Variants in DLC1 observed in about 807,000 individuals in gnomAD.
The protein encoded by DLC1 is DLC1 Rho GTPase activating protein.
A neutral mutation model predicts 140.3 loss-of-function variants in DLC1; 54 were observed. The observed-to-expected ratio is 0.38, with a 90% CI of 0.31 to 0.48. The LOEUF (loss-of-function observed/expected upper bound fraction) is 0.48. Ranked by LOEUF, DLC1 falls within the 20% of genes least tolerant of loss-of-function variation. The pLI, the probability that DLC1 is intolerant of heterozygous loss-of-function variation, is 0.96. For missense variants in DLC1, 2,536 were observed against 1,907.0 expected (o/e 1.33, Z -6.14); for synonymous variants, 986 against 728.1 (o/e 1.35, Z -5.70).
intron 13 of DLC1, among the ~76,000 whole-genome samples, chr8:13,091,968 C>T (rs970333687): frequency 5.3e-5 from 8 of 152,276 alleles, no homozygotes; most frequent in Non-Finnish European, 7.4e-5. Context: ...TAAATGTGGC[C>T]GGGCGCAGTG....
At position 13,468,811 on chromosome 8, in the gene DLC1, C is replaced by CTTTTTTTTTTTTTT. The variant is rs78775803; in HGVS notation, c.1023+30224_1023+30237dup. Among the ~76,000 whole-genome samples the CTTTTTTTTTTTTTT allele has an allele frequency of 8.9e-5, 8 of 89,960 alleles. 1 individual carries two copies. Among genetic ancestry groups the CTTTTTTTTTTTTTT allele is most frequent in the African/African-American group, 9.9e-5 (2 of 20,176 alleles). 59.0% of individuals were successfully genotyped at this position (89,960 alleles called of 152,430 possible). A position where few individuals can be genotyped will look rare whatever the true frequency, so the allele number is the denominator to read the frequency against. Reference sequence around the variant, plus strand: ...GTTGATTCTCCCAATTTTATGTCTGCTTTTTTTTTTTTTTTTTTTTTTTTT... The same window carrying CTTTTTTTTTTTTTT: ...GTTGATTCTCCCAATTTTATGTCTGCTTTTTTTTTTTTTTTTTTTTTTTTTTTTTTTTTTTTTTT... On this transcript the variant is annotated intron_variant, in intron 2 of 17. Coordinates refer to ENST00000276297, the MANE Select transcript of DLC1 (RefSeq NM_182643.3).
intron 4 of DLC1, among the ~76,000 whole-genome samples, chr8:13,308,128 C>T (rs558383041): frequency 2.6e-5 from 4 of 152,136 alleles, no homozygotes; most frequent in Non-Finnish European, 4.4e-5. Flanking sequence ...AAGTATATAA[C>T]CATGCATGTG....
At chr8:13,287,039 C>A (rs1831557808) in intron 5 of DLC1, among the ~76,000 whole-genome samples, 1 of 152,106 alleles carries the variant, frequency 6.6e-6, no homozygotes, top group African/African-American at 2.4e-5. Flanking sequence ...TGTACAGATT[C>A]TTTTGTGTGT....
In DLC1 at chr8:13,086,445, T is replaced by C. The variant is rs531055473; in HGVS notation, c.4311A>G (p.Leu1437=). The change falls in exon 17 of 18, where the codon TTA becomes TTG. Residue 1437 remains leucine (L), a synonymous_variant. Coordinates refer to ENST00000276297, the MANE Select transcript of DLC1 (RefSeq NM_182643.3). ...YVVLRTWRTN[L]PKGACALLLT... is the part of the protein sequence containing the mutation. The stretch of plus-strand genomic sequence containing the variant: ...GTAAAAGGGCACAGGCTCCTTTGGG[T>C]AAATTAGTCCTCCAGGTTCTGTAGA... 13 of 1,614,092 alleles carry C rather than the reference T, an allele frequency of 8.1e-6. No homozygotes were observed. The highest frequency in any genetic ancestry group is 5.3e-5 in the African/African-American group (4 of 75,042).
At chr8:13,278,629 G>A (rs1343720765) in intron 5 of DLC1, among the ~76,000 whole-genome samples, 1 of 152,176 alleles carries the variant, frequency 6.6e-6, no homozygotes, top group Non-Finnish European at 1.5e-5. Flanking sequence ...GATCTCACCT[G>A]AGTTTCCAGT....
intron 2 of DLC1, among the ~76,000 whole-genome samples, chr8:13,493,731 T>C (rs1801369970): frequency 6.6e-6 from 1 of 152,214 alleles, no homozygotes; most frequent in Non-Finnish European, 1.5e-5. Flanking sequence ...TTTCCTTTTA[T>C]ATTGTCCCAG....
At chr8:13,209,669 TC>T (rs1278656430) in intron 5 of DLC1, among the ~76,000 whole-genome samples, 2 of 152,080 alleles carry the variant, frequency 1.3e-5, no homozygotes, top group Non-Finnish European at 2.9e-5. Context: ...CTTGGTACTG[TC>T]CTCGTGATAG....
rs1818874643 is a variant in DLC1, at chr8:13,099,881, G to C, written c.2456C>G (p.Pro819Arg). 3 of 1,614,094 alleles carry C rather than the reference G, an allele frequency of 1.9e-6. No homozygotes were observed. The highest frequency in any genetic ancestry group is 2.2e-5 in the East Asian group (1 of 44,886). Residue 819 changes from proline (P) to arginine (R), a missense_variant, in exon 9 of 18, where the codon CCC becomes CGC. By Grantham distance (103) the Pro-to-Arg change is moderately radical. Coordinates refer to ENST00000276297, the MANE Select transcript of DLC1 (RefSeq NM_182643.3). ...IPEDHKPGTF[P>R]KALTNGSFSP... ...GAAACTGCCATTGGTGAGAGCTTTGGGGAAAGTGCCAGGCTTGTGATCTTC... is the reference window on the plus strand; with the variant it reads ...GAAACTGCCATTGGTGAGAGCTTTGCGGAAAGTGCCAGGCTTGTGATCTTC...
chr8:13,564,802 G>A (rs1377792360), intron 1 of DLC1, among the ~76,000 whole-genome samples: 2 of 152,156 alleles, frequency 1.3e-5, no homozygotes, highest in Non-Finnish European at 2.9e-5. Flanking sequence ...TAGGAACTAG[G>A]AAGAAGAGAA....
intron 2 of DLC1, among the ~76,000 whole-genome samples, chr8:13,412,986 G>T (rs1837856872): frequency 6.6e-6 from 1 of 150,794 alleles, no homozygotes; most frequent in African/African-American, 2.4e-5. Context: ...CCATGTGCTA[G>T]GGTTCATGTT....
chr8:13,302,711 CA>C (rs376892685), intron 5 of DLC1, among the ~76,000 whole-genome samples: 5,036 of 122,402 alleles, frequency 0.041, 162 homozygotes, highest in African/African-American at 0.1. Flanking sequence ...TAGAAAGATA[CA>C]AAAAAAAAAA....
At chr8:13,536,513 T>C (rs146397369) in intron 1 of DLC1, among the ~76,000 whole-genome samples, 96 of 152,334 alleles carry the variant, frequency 6.3e-4, no homozygotes, top group Middle Eastern at 3.4e-3. Context: ...GAACCTCTCA[T>C]TATGCCATTA....
At chr8:13,275,098 G>T (rs1022855049) in intron 5 of DLC1, among the ~76,000 whole-genome samples, 1 of 152,150 alleles carries the variant, frequency 6.6e-6, no homozygotes, top group African/African-American at 2.4e-5. Context: ...CTAATGGTTC[G>T]ACTTGACATT....
intron 5 of DLC1, among the ~76,000 whole-genome samples, chr8:13,283,751 A>G (rs1831448247): frequency 6.6e-6 from 1 of 152,092 alleles, no homozygotes; most frequent in Non-Finnish European, 1.5e-5. Flanking sequence ...ATGGGCTCAA[A>G]CGATTCTCCC....
intron 2 of DLC1, among the ~76,000 whole-genome samples, chr8:13,427,736 C>G (rs577554722): frequency 5.2e-4 from 79 of 152,312 alleles, no homozygotes; most frequent in African/African-American, 1.8e-3. Context: ...TGTCTATCTT[C>G]ACCCCAAAAT....
intron 4 of DLC1, among the ~76,000 whole-genome samples, chr8:13,389,598 T>C (rs1391127922): frequency 6.7e-6 from 1 of 149,276 alleles, no homozygotes; most frequent in African/African-American, 2.5e-5. Context: ...CAGAAATCTA[T>C]ATTACTGCTT....
intron 5 of DLC1, among the ~76,000 whole-genome samples, chr8:13,198,726 T>G (rs1585893618): frequency 6.6e-6 from 1 of 152,024 alleles, no homozygotes; most frequent in Non-Finnish European, 1.5e-5. Flanking sequence ...CATGGCTTTT[T>G]TTTTTTTTTG....
At position 13,499,996 on chromosome 8, in the gene DLC1, C is replaced by T; in HGVS notation, c.76G>A (p.Asp26Asn). Residue 26 changes from aspartate (D) to asparagine (N), a missense_variant, in exon 2 of 18, where the codon GAT becomes AAT. Coordinates refer to ENST00000276297, the MANE Select transcript of DLC1 (RefSeq NM_182643.3). ...CCATGATGACATGCTGTGTTACGAT[C>T]ATCAGAATTAAAAGGCTGTCCCATC... Reference protein sequence around the residue: ...HWMGQPFNSDDRNTACHHGLV... With the variant: ...HWMGQPFNSDNRNTACHHGLV... The T allele has an allele frequency of 6.2e-7, 1 of 1,614,108 alleles. No individual in the cohort carries two copies. The highest frequency in any genetic ancestry group is 1.3e-5 in the African/African-American group (1 of 75,066).
intron 5 of DLC1, among the ~76,000 whole-genome samples, chr8:13,166,292 A>G (rs1053774460): frequency 2.0e-5 from 3 of 152,120 alleles, no homozygotes; most frequent in Non-Finnish European, 2.9e-5. Flanking sequence ...GATCAGGGCT[A>G]TGGACCATTA....
Sources: gnomAD v4.1 joint callset for allele counts (sites outside exome capture counted in the v4.1 genomes callset) on GRCh38, gnomAD v4.1.1 for gene constraint, MANE v1.5 for transcripts, NCBI Gene and HGNC (gene_info 2026-07-23, HGNC 2026-07-21) for gene names.